The following CYP26C1 variants were observed in gnomAD, a reference collection of about 807,000 sequenced individuals.
CYP26C1 encodes the protein cytochrome P450 26C1.
CYP26C1 carries 41 observed loss-of-function variants against 39.1 expected under a neutral mutation model. That is an observed-to-expected ratio of 1.05 (90% CI 0.82 to 1.36). The LOEUF (loss-of-function observed/expected upper bound fraction) is 1.36, where lower values mean the gene tolerates loss of function less well. CYP26C1 is among the 40% of genes most tolerant of loss of function. The pLI is 0.00. For missense variants in CYP26C1, 833 were observed against 752.0 expected (o/e 1.11, Z -1.26); for synonymous variants, 362 against 350.8 (o/e 1.03, Z -0.36).
intron 2 of CYP26C1, among the ~76,000 whole-genome samples, chr10:93,062,514 G>C (rs565271218): frequency 6.6e-6 from 1 of 152,242 alleles, no homozygotes; most frequent in East Asian, 1.9e-4. Flanking sequence ...TCTTAGAGGA[G>C]ATGGCAGCTG....
Position 93,068,508 on chromosome 10 carries a change from C to A in CYP26C1, c.1380C>A (p.Leu460=). The change falls in exon 6 of 6, where the codon CTC becomes CTA. Residue 460 remains leucine (L), a synonymous_variant. Transcript: ENST00000651965. ...TCGGCGGCGGTGCGCGCAGCTGCCT[C>A]GGCCAGGAGCTGGCGCAAGCCGTGC... ...IPFGGGARSC[L]GQELAQAVLQ... The A allele has an allele frequency of 6.2e-7, 1 of 1,605,470 alleles. No homozygotes were observed. Among genetic ancestry groups the A allele is most frequent in the African/African-American group, 1.3e-5 (1 of 74,864 alleles).
chr10:93,063,081 A>T (rs1298516163), intron 3 of CYP26C1, 86 bp downstream of exon 3: 3 of 1,475,218 alleles, frequency 2.0e-6, no homozygotes, highest in Non-Finnish European at 2.7e-6. Context: ...CCCTCGGCGC[A>T]CCCCGCGCGT....
intron 4 of CYP26C1, among the ~76,000 whole-genome samples, chr10:93,064,920 GGC>G (rs1846804982): frequency 6.6e-6 from 1 of 152,034 alleles, no homozygotes; most frequent in African/African-American, 2.4e-5. Flanking sequence ...AACTCTAAGG[GGC>G]TCAGGATCAA....
Position 93,066,298 on chromosome 10 carries a change from T to C in CYP26C1, c.1191+13T>C. Reference sequence around the variant, plus strand: ...CTTCGAGCTCGACGTAAGTGCGCCGTGCCAGCCCATGGCCAGCCTCCTGCC... The same window carrying C: ...CTTCGAGCTCGACGTAAGTGCGCCGCGCCAGCCCATGGCCAGCCTCCTGCC... On this transcript the variant is annotated intron_variant, in intron 5 of 5. Transcript: ENST00000651965. 7.5e-7 allele frequency: 1 copy of C among 1,342,048 alleles called. No individual in the cohort carries two copies. Among genetic ancestry groups the C allele is most frequent in the South Asian group, 2.1e-5 (1 of 48,724 alleles). 83.1% of individuals were successfully genotyped at this position (1,342,048 alleles called of 1,614,324 possible).
rs147253174 is a variant in CYP26C1, at chr10:93,065,979, C to T, written c.885C>T (p.Phe295=). Residue 295 remains phenylalanine (F), a synonymous_variant, in exon 5 of 6, where the codon TTC becomes TTT. Transcript: ENST00000651965. ...ELKESAVELL[F]AAFFTTASAS... ...AGGAGTCGGCTGTGGAGCTCCTCTT[C>T]GCCGCCTTCTTCACCACGGCCAGTG... is the stretch of plus-strand genomic sequence containing the variant. 1.7e-3 allele frequency: 2,700 copies of T among 1,582,882 alleles called. 4 individuals are homozygous for T. Among genetic ancestry groups the T allele is most frequent in the Non-Finnish European group, 1.9e-3 (2,165 of 1,166,412 alleles).
intron 1 of CYP26C1, 58 bp downstream of exon 1, chr10:93,061,525 T>C: frequency 6.5e-7 from 1 of 1,533,852 alleles, no homozygotes; most frequent in Non-Finnish European, 8.8e-7. Context: ...CGGCTCCCAC[T>C]GGACCCTCCT....
chr10:93,064,522 A>C lies in CYP26C1; in HGVS notation c.847A>C (p.Met283Leu). Residue 283 changes from methionine (M) to leucine (L), a missense_variant, in exon 4 of 6, where the codon ATG becomes CTG. Physicochemically the swap from Met to Leu is conservative, Grantham distance 15 (BLOSUM62 2). Coordinates refer to ENST00000651965, the MANE Select transcript of CYP26C1 (RefSeq NM_183374.3). ...SARELGHEPS[M>L]QELKESAVEL... ...AAGGGAGCTGGGCCATGAGCCCTCC[A>C]TGCAGGAGCTGAAGGTAGGTGCTGA... 2 of 1,613,294 alleles carry C rather than the reference A, an allele frequency of 1.2e-6. No individual in the cohort carries two copies. Among genetic ancestry groups the C allele is most frequent in the Non-Finnish European group, 1.7e-6 (2 of 1,179,456 alleles).
chr10:93,068,809 C>A lies in CYP26C1; in HGVS notation c.*112C>A. On this transcript the variant is annotated 3_prime_UTR_variant, in exon 6 of 6. Coordinates refer to ENST00000651965, the MANE Select transcript of CYP26C1 (RefSeq NM_183374.3). ...CGCGCCCACTCTTTCACTCGTTCAA[C>A]AATCTTTCAACAAATGTTCGCCAAA... is the stretch of plus-strand genomic sequence containing the variant. 7.2e-7 allele frequency: 1 copy of A among 1,394,012 alleles called. No homozygotes were observed. The highest frequency in any genetic ancestry group is 2.7e-4 in the Middle Eastern group (1 of 3,746). The allele number at this position is 1,394,012 out of a possible 1,614,324, so 86.4% of individuals were successfully genotyped here. A position where few individuals can be genotyped will look rare whatever the true frequency, so the allele number is the denominator to read the frequency against.
rs1263699306 is a variant in CYP26C1 at position 93,064,402 on chromosome 10, C to A, written c.727C>A (p.Leu243Met). 2 of 1,613,886 alleles carry A rather than the reference C, an allele frequency of 1.2e-6. No homozygotes were observed. The highest frequency in any genetic ancestry group is 2.7e-5 in the African/African-American group (2 of 74,942). ...LRKGIRARDQ[L>M]HRHLEGAISE... Reference sequence around the variant, plus strand: ...TCAGGGCATCCGGGCAAGGGACCAGCTGCATCGGCACCTGGAGGGGGCCAT... The same window carrying A: ...TCAGGGCATCCGGGCAAGGGACCAGATGCATCGGCACCTGGAGGGGGCCAT... Residue 243 changes from leucine to methionine, a missense_variant, in exon 4 of 6, where the codon CTG becomes ATG. Leu to Met is a conservative substitution (Grantham distance 15). Transcript: ENST00000651965.
chr10:93,062,254 G>A lies in CYP26C1; in HGVS notation c.429+20G>A, dbSNP rs1393022546. On this transcript the variant is annotated intron_variant, in intron 2 of 5. Transcript: ENST00000651965. ...CGCAAGGTGAGTGGAAACGGGAATG[G>A]ACCGTAGATACGTCGGATCCGCGGT... 1.9e-5 allele frequency: 28 copies of A among 1,507,454 alleles called. No homozygotes were observed. The highest frequency in any genetic ancestry group is 2.5e-5 in the Non-Finnish European group (28 of 1,130,660). 93.4% of individuals were successfully genotyped at this position (1,507,454 alleles called of 1,614,324 possible).
Position 93,063,111 on chromosome 10 carries a change from C to A in CYP26C1, c.705+116C>A, listed in dbSNP as rs1418876009. 5 of 1,441,372 alleles carry A rather than the reference C, an allele frequency of 3.5e-6. No individual in the cohort carries two copies. In the South Asian group the frequency reaches 7.4e-5, roughly 21 times the overall value. 89.3% of individuals were successfully genotyped at this position (1,441,372 alleles called of 1,614,324 possible). On this transcript the variant is annotated intron_variant, in intron 3 of 5. Coordinates refer to ENST00000651965, the MANE Select transcript of CYP26C1 (RefSeq NM_183374.3). The stretch of plus-strand genomic sequence containing the variant: ...GCGCGTCCGTCACCTCTGCTGGGAA[C>A]GGCGGCAGGGCCCGGGGGTGGGAGG...
Position 93,068,620 on chromosome 10 carries a change from G to A in CYP26C1, c.1492G>A (p.Val498Met), listed in dbSNP as rs180969879. ...AFPAMQTVPI[V>M]HPVDGLRLFF... The stretch of plus-strand genomic sequence containing the variant: ...CCCCGCCATGCAGACGGTGCCCATC[G>A]TGCACCCAGTGGACGGGCTGCGGCT... Residue 498 changes from valine to methionine, a missense_variant, in exon 6 of 6, where the codon GTG becomes ATG. By Grantham distance (21) the Val-to-Met change is conservative. Transcript: ENST00000651965. 22 of 1,600,686 alleles carry A rather than the reference G, an allele frequency of 1.4e-5. No individual in the cohort carries two copies. The East Asian group carries it at 1.6e-4, about 11-fold the overall frequency.
Position 93,068,699 on chromosome 10 carries a change from A to G in CYP26C1, c.*2A>G, listed in dbSNP as rs1846860722. 1 of 1,530,790 alleles carries G rather than the reference A, an allele frequency of 6.5e-7. No homozygotes were observed. Among genetic ancestry groups the G allele is most frequent in the Non-Finnish European group, 8.8e-7 (1 of 1,136,280 alleles). 94.8% of individuals were successfully genotyped at this position (1,530,790 alleles called of 1,614,324 possible). A position where few individuals can be genotyped will look rare whatever the true frequency, so the allele number is the denominator to read the frequency against. On this transcript the variant is annotated 3_prime_UTR_variant, in exon 6 of 6. Coordinates refer to ENST00000651965, the MANE Select transcript of CYP26C1 (RefSeq NM_183374.3). ...GCGGGGAATGGGCTATGCCTCTGAC[A>G]TGCTTGCGCTCTAGGACACGGCTTG...
chr10:93,064,394 GGGACCAGCTGCATC>G lies in CYP26C1; in HGVS notation c.722_735del (p.Asp241AlafsTer8). The stretch of plus-strand genomic sequence containing the variant: ...CCTGAACATCAGGGCATCCGGGCAA[GGGACCAGCTGCATC>G]GGCACCTGGAGGGGGCCATTTCTGA... On this transcript the variant is annotated frameshift_variant, in exon 4 of 6. Transcript: ENST00000651965. LOFTEE classifies it high-confidence loss of function. 2 of 1,613,896 alleles carry G rather than the reference GGGACCAGCTGCATC, an allele frequency of 1.2e-6. No individual in the cohort carries two copies. The highest frequency in any genetic ancestry group is 1.7e-6 in the Non-Finnish European group (2 of 1,179,900).
At chr10:93,066,306 C>G (rs748404085) in intron 5 of CYP26C1, 21 bp downstream of exon 5, 1 of 1,323,108 alleles carries the variant, frequency 7.6e-7, no homozygotes, top group Admixed American at 3.3e-5. Flanking sequence ...CGTGCCAGCC[C>G]ATGGCCAGCC....
chr10:93,067,881 C>T (rs1212759594), intron 5 of CYP26C1, among the ~76,000 whole-genome samples: 1 of 152,136 alleles, frequency 6.6e-6, no homozygotes, highest in East Asian at 1.9e-4. Flanking sequence ...TGGAACTGAC[C>T]TCGAGGAATT....
In CYP26C1 at chr10:93,062,092, T is replaced by C. The variant is rs1252729575; in HGVS notation, c.287T>C (p.Val96Ala). 5 of 1,574,092 alleles carry C rather than the reference T, an allele frequency of 3.2e-6. No individual in the cohort carries two copies. The highest frequency in any genetic ancestry group is 4.3e-6 in the Non-Finnish European group (5 of 1,160,812). Residue 96 changes from valine (V) to alanine (A), a missense_variant, in exon 2 of 6, where the codon GTG (valine) becomes GCG (alanine). Coordinates refer to ENST00000651965, the MANE Select transcript of CYP26C1 (RefSeq NM_183374.3). ...CTGCTGGGCAGGCCAGTGATCCGCG[T>C]GAGCGGCGCGGAGAACGTGCGCACC... ...THLLGRPVIRVSGAENVRTIL... is the reference protein window; with the variant it reads ...THLLGRPVIRASGAENVRTIL...
rs773509151 is a variant in CYP26C1, at chr10:93,064,601, C to G, written c.861+65C>G. ...TTCCCAGCAGGTCCCTACACCAATG[C>G]TGCATCCCCAGAGCCACATCTTGTG... On this transcript the variant is annotated intron_variant, in intron 4 of 5. Transcript: ENST00000651965. 1.2e-3 allele frequency: 1,822 copies of G among 1,551,252 alleles called. 4 individuals carry two copies. Among genetic ancestry groups the G allele is most frequent in the Non-Finnish European group, 1.4e-3 (1,646 of 1,145,500 alleles).
At chr10:93,064,276 CA>C (rs1846789000) in intron 3 of CYP26C1, 104 bp from the exon 4 acceptor site, 1 of 1,463,712 alleles carries the variant, frequency 6.8e-7, no homozygotes, top group Non-Finnish European at 9.1e-7. Context: ...GCTGTTAACA[CA>C]AGGATGTTGG....
Sources: gnomAD v4.1 joint callset for allele counts (sites outside exome capture counted in the v4.1 genomes callset) on GRCh38, gnomAD v4.1.1 for gene constraint, MANE v1.5 for transcripts, NCBI Gene and HGNC (gene_info 2026-07-23, HGNC 2026-07-21) for gene names.